PCLO: variants seen among roughly 807,000 people sequenced by gnomAD.
PCLO encodes protein piccolo.
Under a neutral mutation model 427.5 loss-of-function variants are expected in PCLO, and 82 were observed. The ratio of observed to expected loss-of-function variants is 0.19; its 90% CI spans 0.16 to 0.23. The LOEUF (loss-of-function observed/expected upper bound fraction) is 0.23. Among genes scored for constraint, PCLO ranks in the 10% least tolerant of loss-of-function variants. The pLI is 1.00. For synonymous variants in PCLO, 2,357 were observed against 2,155.4 expected (o/e 1.09, Z -2.59); for missense variants, 6,239 against 6,115.9 (o/e 1.02, Z -0.67).
At position 82,932,492 on chromosome 7, in the gene PCLO, T is replaced by C. The variant is rs560670921; in HGVS notation, c.11113-15619A>G. ...GTACATTAGTGAGCAAGTTCTGAGA[T>C]AGAATGTTTACATGTTATTGCCATG... is the stretch of plus-strand genomic sequence containing the variant. On this transcript the variant is annotated intron_variant, in intron 6 of 24. Transcript: ENST00000333891. Among the ~76,000 whole-genome samples, 7 of 152,268 alleles carry C rather than the reference T, an allele frequency of 4.6e-5. No individual in the cohort carries two copies. The South Asian group carries it at 8.3e-4, about 18-fold the overall frequency.
At chr7:82,961,704 G>C (rs1766091969) in intron 4 of PCLO, among the ~76,000 whole-genome samples, 1 of 152,180 alleles carries the variant, frequency 6.6e-6, no homozygotes, top group Non-Finnish European at 1.5e-5. Context: ...TGGTCTGTGA[G>C]GAATCCTGGG....
intron 9 of PCLO, chr7:82,880,361 A>G (rs766400037): frequency 2.6e-6 from 1 of 378,622 alleles, no homozygotes. Flanking sequence ...AAGGCAAGAA[A>G]CAAACACATA....
chr7:83,146,318 A>C (rs757391095), intron 2 of PCLO, among the ~76,000 whole-genome samples: 2 of 152,210 alleles, frequency 1.3e-5, no homozygotes, highest in African/African-American at 4.8e-5. Context: ...TTGACACCTT[A>C]CTGATGTACT....
At chr7:83,063,903 AT>A (rs1252030437) in intron 3 of PCLO, among the ~76,000 whole-genome samples, 1 of 152,074 alleles carries the variant, frequency 6.6e-6, no homozygotes, top group African/African-American at 2.4e-5. Flanking sequence ...GCACTGATAA[AT>A]ATCCTCTTAA....
Position 82,954,262 on chromosome 7 carries a change from A to C in PCLO, c.6691T>G (p.Tyr2231Asp). Residue 2231 changes from tyrosine to aspartate, a missense_variant, in exon 5 of 25, where the codon TAT becomes GAT. By Grantham distance (160) the Tyr-to-Asp change is radical. This residue lies in a region of PCLO where 4,677 missense variants were observed against 4,468.4 expected (regional missense o/e 1.05). Coordinates refer to ENST00000333891, the MANE Select transcript of PCLO (RefSeq NM_033026.6). ...EDSEEISSST[Y>D]FPGSIIDYPE... ...TAGTCTATAATGCTGCCTGGAAAAT[A>C]AGTTGATGAAGAAATTTCCTCAGAA... is the stretch of plus-strand genomic sequence containing the variant. 3 of 1,613,760 alleles carry C rather than the reference A, an allele frequency of 1.9e-6. No homozygotes were observed. Among genetic ancestry groups the C allele is most frequent in the Non-Finnish European group, 2.5e-6 (3 of 1,179,746 alleles).
intron 10 of PCLO, among the ~76,000 whole-genome samples, chr7:82,858,000 C>T (rs1176233973): frequency 6.6e-6 from 1 of 152,008 alleles, no homozygotes; most frequent in African/African-American, 2.4e-5. Flanking sequence ...GATACCAAGG[C>T]CAGACAAGGA....
intron 14 of PCLO, among the ~76,000 whole-genome samples, chr7:82,840,235 C>A (rs923330525): frequency 6.6e-6 from 1 of 151,994 alleles, no homozygotes; most frequent in African/African-American, 2.4e-5. Flanking sequence ...GAGAAACAGC[C>A]GGATCTGGAG....
At chr7:83,077,971 GC>G (rs1181543434) in intron 3 of PCLO, among the ~76,000 whole-genome samples, 1 of 152,030 alleles carries the variant, frequency 6.6e-6, no homozygotes, top group Non-Finnish European at 1.5e-5. Context: ...ACAGAAAAAG[GC>G]GGTTAGAGGT....
intron 20 of PCLO, among the ~76,000 whole-genome samples, chr7:82,807,902 G>C (rs1791487035): frequency 6.6e-6 from 1 of 151,940 alleles, no homozygotes; most frequent in Admixed American, 6.6e-5. Context: ...AAACAGAATA[G>C]TTATGTTTCT....
At chr7:82,864,650 C>T (rs1793047910) in intron 10 of PCLO, among the ~76,000 whole-genome samples, 1 of 152,010 alleles carries the variant, frequency 6.6e-6, no homozygotes, top group Admixed American at 6.6e-5. Flanking sequence ...TTCTCTGTTT[C>T]TTGTACACAC....
intron 3 of PCLO, among the ~76,000 whole-genome samples, chr7:83,002,701 T>A (rs540821736): frequency 6.6e-6 from 1 of 152,032 alleles, no homozygotes; most frequent in African/African-American, 2.4e-5. Context: ...TATACTGTAG[T>A]GTCATTTAAA....
In PCLO at chr7:83,155,700, G is replaced by T; in HGVS notation, c.941C>A (p.Pro314His). 6.2e-7 allele frequency: 1 copy of T among 1,613,998 alleles called. No individual in the cohort carries two copies. The highest frequency in any genetic ancestry group is 8.5e-7 in the Non-Finnish European group (1 of 1,179,880). The stretch of plus-strand genomic sequence containing the variant: ...TTCATGTCCAGGCTGCTGTGCTGGA[G>T]GTTTTCCAGGAGTTGGTTGCTGAAT... Reference protein sequence around the residue: ...PPIQQPTPGKPPAQQPGHEKS... With the variant: ...PPIQQPTPGKHPAQQPGHEKS... Residue 314 changes from proline to histidine, a missense_variant, in exon 2 of 25, where the codon CCT becomes CAT. Physicochemically the swap from Pro to His is moderately conservative, Grantham distance 77. Transcript: ENST00000333891.
At chr7:83,095,188 G>C (rs1350075240) in intron 3 of PCLO, among the ~76,000 whole-genome samples, 1 of 151,928 alleles carries the variant, frequency 6.6e-6, no homozygotes, top group Non-Finnish European at 1.5e-5. Context: ...TGAATTACGG[G>C]AGTTTGTGTT....
chr7:82,946,325 G>A (rs993202983), intron 6 of PCLO, among the ~76,000 whole-genome samples: 6 of 152,068 alleles, frequency 3.9e-5, no homozygotes, highest in Admixed American at 3.3e-4. Context: ...CCAGGCACTA[G>A]TCAGGCATTT....
chr7:83,118,742 T>C (rs745875220), intron 3 of PCLO, among the ~76,000 whole-genome samples: 3 of 152,154 alleles, frequency 2.0e-5, no homozygotes, highest in Non-Finnish European at 4.4e-5. Context: ...TAAAGTGCTC[T>C]AGGGTGCTGA....
chr7:83,151,954 A>G (rs1792141276), intron 2 of PCLO, among the ~76,000 whole-genome samples: 1 of 151,906 alleles, frequency 6.6e-6, no homozygotes, highest in Admixed American at 6.6e-5. Flanking sequence ...AAAGCCCTAT[A>G]CAAACTTACT....
At chr7:82,796,068 GC>G (rs1791217127) in intron 22 of PCLO, among the ~76,000 whole-genome samples, 1 of 152,140 alleles carries the variant, frequency 6.6e-6, no homozygotes, top group African/African-American at 2.4e-5. Context: ...AATTGACAAT[GC>G]TTTGATGTGT....
In PCLO at chr7:82,937,737, A is replaced by G. The variant is rs78157246; in HGVS notation, c.11112+11739T>C. Among the ~76,000 whole-genome samples, 518 of 151,844 alleles carry G rather than the reference A, an allele frequency of 3.4e-3. 5 individuals carry two copies. The highest frequency in any genetic ancestry group is 0.012 in the African/African-American group (499 of 41,522). ...TCTCTGTTATTAAAGGAGAGAATAGACTCAATTGCAAGCAATTAGCCAATA... is the reference window on the plus strand; with the variant it reads ...TCTCTGTTATTAAAGGAGAGAATAGGCTCAATTGCAAGCAATTAGCCAATA... On this transcript the variant is annotated intron_variant, in intron 6 of 24. Coordinates refer to ENST00000333891, the MANE Select transcript of PCLO (RefSeq NM_033026.6).
chr7:82,852,905 A>G (rs533888130), intron 10 of PCLO, among the ~76,000 whole-genome samples: 89 of 152,062 alleles, frequency 5.9e-4, no homozygotes, highest in African/African-American at 1.7e-3. Flanking sequence ...GGCAACCATC[A>G]TTTTATTCTC....
Sources: allele counts gnomAD v4.1 joint callset (sites outside exome capture counted in the v4.1 genomes callset), GRCh38; gene constraint gnomAD v4.1.1; regional missense constraint gnomAD v4.1.1; transcripts MANE v1.5; gene names NCBI Gene and HGNC (gene_info 2026-07-23, HGNC 2026-07-21).